NSD3: variants seen among roughly 807,000 people sequenced by gnomAD.
NSD3 encodes the protein histone-lysine N-methyltransferase NSD3.
NSD3 carries 24 observed loss-of-function variants against 160.8 expected under a neutral mutation model. That is an observed-to-expected ratio of 0.15 (90% CI 0.11 to 0.21). The LOEUF is 0.21. NSD3 is among the 10% of genes least tolerant of loss of function. NSD3 has a pLI of 1.00. For synonymous variants in NSD3, 520 were observed against 600.0 expected, an observed-to-expected ratio of 0.87 and a Z score of 1.95; for missense variants, 1,157 against 1,735.9, an observed-to-expected ratio of 0.67 and a Z score of 5.93.
chr8:38,315,322 G>A (rs1809631339), intron 11 of NSD3, 94 bp downstream of exon 11: 1 of 1,334,718 alleles, frequency 7.5e-7, no homozygotes, highest in Admixed American at 2.7e-5. Context: ...ATAATAATTT[G>A]GAAACATATT....
In NSD3 at chr8:38,316,564, T is replaced by G; in HGVS notation, c.1856-522A>C. ...GTTGATTATTGCCCCCCAATAAAAT[T>G]TGGATGTTCATAATTGTTCATCTGA... is the stretch of plus-strand genomic sequence containing the variant. On this transcript the variant is annotated intron_variant, in intron 9 of 23. Transcript: ENST00000317025. The surrounding 1 kb of genome is among the most constrained non-coding windows in gnomAD (Gnocchi z 4.5). 2 of 1,050,430 alleles carry G rather than the reference T, an allele frequency of 1.9e-6. No individual in the cohort carries two copies. Among genetic ancestry groups the G allele is most frequent in the East Asian group, 1.1e-4 (2 of 18,086 alleles). 65.1% of individuals were successfully genotyped at this position (1,050,430 alleles called of 1,614,324 possible).
chr8:38,300,623 A>G (rs2131005588), intron 14 of NSD3, among the ~76,000 whole-genome samples: 1 of 152,318 alleles, frequency 6.6e-6, no homozygotes, highest in East Asian at 1.9e-4. Context: ...TGCTACTTGG[A>G]GGAAAACACT....
chr8:38,326,875 G>GA lies in NSD3; in HGVS notation c.1582-20dup. Reference sequence around the variant, plus strand: ...CAATTCCCTTTAAAATAAGGCAAAAGAAAAAACAACAAAACAGGTGATTAC... The same window carrying GA: ...CAATTCCCTTTAAAATAAGGCAAAAGAAAAAAACAACAAAACAGGTGATTAC... On this transcript the variant is annotated intron_variant, in intron 6 of 23. Coordinates refer to ENST00000317025, the MANE Select transcript of NSD3 (RefSeq NM_023034.2). 4.3e-6 allele frequency: 7 copies of GA among 1,610,714 alleles called. No homozygotes were observed. Among genetic ancestry groups the GA allele is most frequent in the African/African-American group, 2.7e-5 (2 of 74,678 alleles).
rs1809316958 is a variant in NSD3 at position 38,303,248 on chromosome 8, T to C, written c.2611+1339A>G. 5 of 985,276 alleles carry C rather than the reference T, an allele frequency of 5.1e-6. No individual in the cohort carries two copies. In the Admixed American group the frequency reaches 3.1e-4, roughly 61 times the overall value. The allele number at this position is 985,276 out of a possible 1,614,324, so 61.0% of individuals were successfully genotyped here. On this transcript the variant is annotated intron_variant, in intron 14 of 23. Transcript: ENST00000317025. The stretch of plus-strand genomic sequence containing the variant: ...ATACAATAATTTTTTCTTCTAATCA[T>C]TACTTTCTTAGGAATGCAGAGATGG...
chr8:38,358,142 C>T (rs1339482542), intron 1 of NSD3, among the ~76,000 whole-genome samples: 1 of 152,000 alleles, frequency 6.6e-6, no homozygotes, highest in Non-Finnish European at 1.5e-5. Flanking sequence ...TAGAAGCTCT[C>T]AAAATACAAT....
chr8:38,360,685 A>G lies in NSD3; in HGVS notation c.-44-12470T>C, dbSNP rs144129896. Among the ~76,000 whole-genome samples the G allele has an allele frequency of 2.1e-3, 321 of 152,318 alleles. 2 individuals are homozygous for G. Among genetic ancestry groups the G allele is most frequent in the African/African-American group, 7.3e-3 (303 of 41,578 alleles). On this transcript the variant is annotated intron_variant, in intron 1 of 23. Transcript: ENST00000317025. Reference sequence around the variant, plus strand: ...ATATCTTGACTTAAAGGTACTTTCCATGGTAGCCTTTTAGAAAGAACTCTA... The same window carrying G: ...ATATCTTGACTTAAAGGTACTTTCCGTGGTAGCCTTTTAGAAAGAACTCTA...
Position 38,318,667 on chromosome 8 carries a change from G to A in NSD3, c.1855+228C>T, listed in dbSNP as rs1213705360. ...AAGTTGGAAACAGTATCAAGTCTAC[G>A]TTGTGTTCTCCAATTTACCAAAACA... On this transcript the variant is annotated intron_variant, in intron 9 of 23. Transcript: ENST00000317025. This position sits in a 1 kb window ranked among gnomAD's most constrained non-coding sequence, Gnocchi z 5.3. Among the ~76,000 whole-genome samples, 2 of 152,118 alleles carry A rather than the reference G, an allele frequency of 1.3e-5. No individual in the cohort carries two copies. Among genetic ancestry groups the A allele is most frequent in the African/African-American group, 2.4e-5 (1 of 41,412 alleles).
At chr8:38,357,022 G>T (rs1288346928) in intron 1 of NSD3, among the ~76,000 whole-genome samples, 1 of 148,966 alleles carries the variant, frequency 6.7e-6, no homozygotes, top group Admixed American at 6.8e-5. Flanking sequence ...GGGAAGGTGA[G>T]GCAGGAGAAT....
intron 19 of NSD3, among the ~76,000 whole-genome samples, chr8:38,287,651 C>A (rs1177821030): frequency 1.3e-5 from 2 of 151,594 alleles, no homozygotes; most frequent in East Asian, 1.9e-4. Flanking sequence ...AAATTACAAA[C>A]CTGATTTTTT....
At chr8:38,358,770 C>T (rs1028565914) in intron 1 of NSD3, among the ~76,000 whole-genome samples, 5 of 152,016 alleles carry the variant, frequency 3.3e-5, no homozygotes, top group Admixed American at 6.6e-5. Context: ...TGTACATACA[C>T]GCAAAGCCCC....
Position 38,288,346 on chromosome 8 carries a change from G to C in NSD3, c.3501+141C>G, listed in dbSNP as rs1341853547. ...CCTACTACTCTTCTTTGCTCAAGAA[G>C]TACCAAACTCTCAACATGGAAAGTT... On this transcript the variant is annotated intron_variant, in intron 19 of 23. Transcript: ENST00000317025. The surrounding 1 kb of genome is among the most constrained non-coding windows in gnomAD (Gnocchi z 4.5). The C allele has an allele frequency of 7.4e-6, 9 of 1,221,556 alleles. No individual in the cohort carries two copies. In the South Asian group the frequency reaches 1.3e-4, roughly 17 times the overall value. The allele number at this position is 1,221,556 out of a possible 1,614,324, so 75.7% of individuals were successfully genotyped here.
chr8:38,315,245 T>C (rs1809629695), intron 11 of NSD3, among the ~76,000 whole-genome samples, 171 bp downstream of exon 11: 1 of 152,238 alleles, frequency 6.6e-6, no homozygotes, highest in Non-Finnish European at 1.5e-5. Flanking sequence ...TGGGTAAGTA[T>C]TCCAACTCAG....
intron 2 of NSD3, among the ~76,000 whole-genome samples, chr8:38,342,173 T>C (rs1402621196): frequency 6.6e-6 from 1 of 152,146 alleles, no homozygotes; most frequent in East Asian, 1.9e-4. Flanking sequence ...CTTTCAAGAC[T>C]ATATAAGTAA....
intron 2 of NSD3, among the ~76,000 whole-genome samples, chr8:38,341,037 G>A (rs1288959677): frequency 1.3e-5 from 2 of 152,072 alleles, no homozygotes; most frequent in African/African-American, 4.8e-5. Context: ...ACTCTGAGGG[G>A]CTGAGGCAGG....
chr8:38,322,179 C>G lies in NSD3; in HGVS notation c.1709-1007G>C, dbSNP rs561350422. On this transcript the variant is annotated intron_variant, in intron 7 of 23. Transcript: ENST00000317025. ...CTTTATATTTTCTGGTTTCATTGCTCTTGGCTATGTATAAATGACTTCCCT... is the reference window on the plus strand; with the variant it reads ...CTTTATATTTTCTGGTTTCATTGCTGTTGGCTATGTATAAATGACTTCCCT... Among the ~76,000 whole-genome samples, 9 of 152,298 alleles carry G rather than the reference C, an allele frequency of 5.9e-5. No individual in the cohort carries two copies. The East Asian group carries it at 1.7e-3, about 29-fold the overall frequency.
Position 38,295,867 on chromosome 8 carries a change from A to C in NSD3, c.2844T>G (p.Asn948Lys). The change falls in exon 16 of 24, where the codon AAT becomes AAG. Residue 948 changes from asparagine to lysine, a missense_variant. Around this residue, in one of 10 missense-constraint regions of NSD3, gnomAD observed 437 missense variants for 576.6 expected, o/e 0.76. Transcript: ENST00000317025. ...TCTTGCCAGCTTTACAGTCATTACA[A>C]TTCCAGCAGCCTTCTGGCATTTCTA... is the stretch of plus-strand genomic sequence containing the variant. ...LSIEMPEGCW[N>K]CNDCKAGKKL... The C allele has an allele frequency of 6.2e-7, 1 of 1,614,188 alleles. No homozygotes were observed. The highest frequency in any genetic ancestry group is 8.5e-7 in the Non-Finnish European group (1 of 1,180,026).
Position 38,288,599 on chromosome 8 carries a change from G to T in NSD3, c.3389C>A (p.Ala1130Asp). 6.2e-7 allele frequency: 1 copy of T among 1,614,180 alleles called. No homozygotes were observed. The highest frequency in any genetic ancestry group is 8.5e-7 in the Non-Finnish European group (1 of 1,180,044). Reference sequence around the variant, plus strand: ...GCACTGGTTCTGACAACGATCTCCAGCTGGGCACACCTGCGGGTGGCATTC... The same window carrying T: ...GCACTGGTTCTGACAACGATCTCCATCTGGGCACACCTGCGGGTGGCATTC... ...QYECHPQVCP[A>D]GDRCQNQCFT... Residue 1130 changes from alanine (A) to aspartate (D), a missense_variant, in exon 19 of 24, where the codon GCT (alanine) becomes GAT (aspartate). This residue lies in a region of NSD3 where 222 missense variants were observed against 409.9 expected (regional missense o/e 0.54). Coordinates refer to ENST00000317025, the MANE Select transcript of NSD3 (RefSeq NM_023034.2). The surrounding 1 kb of genome is among the most constrained non-coding windows in gnomAD (Gnocchi z 4.5).
At chr8:38,360,852 T>C (rs1393792069) in intron 1 of NSD3, among the ~76,000 whole-genome samples, 1 of 152,228 alleles carries the variant, frequency 6.6e-6, no homozygotes, top group Non-Finnish European at 1.5e-5. Flanking sequence ...CATTTTTGTA[T>C]AATTACTAAC....
chr8:38,328,220 G>A (rs968792483), intron 6 of NSD3, among the ~76,000 whole-genome samples: 1 of 152,044 alleles, frequency 6.6e-6, no homozygotes, highest in Non-Finnish European at 1.5e-5. Flanking sequence ...ATATATACAT[G>A]CATATATTTT....
Sources: allele counts gnomAD v4.1 joint callset (sites outside exome capture counted in the v4.1 genomes callset), GRCh38; gene constraint gnomAD v4.1.1; regional missense constraint gnomAD v4.1.1; non-coding constraint Gnocchi (gnomAD v3.1); transcripts MANE v1.5; gene names NCBI Gene and HGNC (gene_info 2026-07-23, HGNC 2026-07-21).